Variants in CSMD1 observed in about 807,000 individuals in gnomAD.
The protein encoded by CSMD1 is CUB and sushi domain-containing protein 1.
Under a neutral mutation model 417.5 loss-of-function variants are expected in CSMD1, and 213 were observed. The observed-to-expected ratio is 0.51, with a 90% CI of 0.46 to 0.57. CSMD1 has a LOEUF of 0.57. Among genes scored for constraint, CSMD1 ranks in the 20% least tolerant of loss-of-function variants. CSMD1 has a pLI of 0.00. For synonymous variants in CSMD1, 2,862 were observed against 1,736.8 expected (o/e 1.65, Z -16.11); for missense variants, 6,923 against 4,529.7 (o/e 1.53, Z -15.17).
At chr8:3,917,877 T>G (rs545215766) in intron 5 of CSMD1, among the ~76,000 whole-genome samples, 31 of 152,248 alleles carry the variant, frequency 2.0e-4, no homozygotes, top group South Asian at 4.2e-4. Flanking sequence ...GCCTTTAAAA[T>G]TTTACTTAAA....
chr8:4,202,263 T>C (rs544557575), intron 3 of CSMD1, among the ~76,000 whole-genome samples: 1 of 152,310 alleles, frequency 6.6e-6, no homozygotes, highest in Non-Finnish European at 1.5e-5. Flanking sequence ...GTTAAGATTT[T>C]ATTCATGTTA....
intron 3 of CSMD1, among the ~76,000 whole-genome samples, chr8:4,216,717 G>A (rs369965838): frequency 4.6e-5 from 7 of 152,122 alleles, no homozygotes; most frequent in South Asian, 2.1e-4. Context: ...GGAGGAGGGG[G>A]TATAAACGAA....
chr8:4,461,934 G>A (rs1355632504), intron 2 of CSMD1, among the ~76,000 whole-genome samples: 1 of 151,794 alleles, frequency 6.6e-6, no homozygotes, highest in Admixed American at 6.6e-5. Context: ...GAAGAGACGG[G>A]GTTTCATCAT....
At chr8:4,340,697 C>G (rs1195060210) in intron 3 of CSMD1, among the ~76,000 whole-genome samples, 1 of 152,040 alleles carries the variant, frequency 6.6e-6, no homozygotes, top group Non-Finnish European at 1.5e-5. Flanking sequence ...ATTAGAAGTA[C>G]ATTTTAAACA....
intron 5 of CSMD1, among the ~76,000 whole-genome samples, chr8:3,901,437 C>G (rs1213935533): frequency 6.6e-6 from 1 of 152,146 alleles, no homozygotes; most frequent in Non-Finnish European, 1.5e-5. Flanking sequence ...ATTTTTTGGT[C>G]TTACTCTAAT....
At chr8:4,381,833 C>T (rs934045682) in intron 3 of CSMD1, among the ~76,000 whole-genome samples, 3 of 152,160 alleles carry the variant, frequency 2.0e-5, no homozygotes, top group Admixed American at 2.0e-4. Flanking sequence ...CTATCTCCTG[C>T]TTCACCAAAG....
chr8:4,945,803 G>A (rs1808328469), intron 1 of CSMD1, among the ~76,000 whole-genome samples: 1 of 152,120 alleles, frequency 6.6e-6, no homozygotes, highest in Non-Finnish European at 1.5e-5. Flanking sequence ...AGGTTAAGTA[G>A]GCAGCAGAAC....
At chr8:4,149,400 C>G (rs544314359) in intron 3 of CSMD1, among the ~76,000 whole-genome samples, 1 of 152,256 alleles carries the variant, frequency 6.6e-6, no homozygotes, top group East Asian at 1.9e-4. Flanking sequence ...TAGGTGGTAA[C>G]TGCCATAGCT....
intron 3 of CSMD1, among the ~76,000 whole-genome samples, chr8:4,237,870 C>A (rs1353301667): frequency 6.6e-6 from 1 of 151,986 alleles, no homozygotes. Flanking sequence ...CTGGACAATG[C>A]CTTATGTTCC....
At chr8:3,405,872 C>T (rs1454131020) in intron 15 of CSMD1, among the ~76,000 whole-genome samples, 155 bp downstream of exon 15, 1 of 152,334 alleles carries the variant, frequency 6.6e-6, no homozygotes, top group South Asian at 2.1e-4. Context: ...GCCTCCAGAA[C>T]TGGGAGACTG....
chr8:3,092,857 G>A (rs547285816), intron 47 of CSMD1, among the ~76,000 whole-genome samples: 8 of 152,140 alleles, frequency 5.3e-5, no homozygotes, highest in African/African-American at 1.9e-4. Flanking sequence ...GCATTTCACA[G>A]TTCACTCCTA....
chr8:4,469,773 G>A (rs1408067166), intron 2 of CSMD1, among the ~76,000 whole-genome samples: 1 of 152,188 alleles, frequency 6.6e-6, no homozygotes, highest in South Asian at 2.1e-4. Flanking sequence ...GAATATGCCA[G>A]GCGACAGCAC....
chr8:4,740,641 T>C (rs1353776834), intron 1 of CSMD1, among the ~76,000 whole-genome samples: 2 of 152,194 alleles, frequency 1.3e-5, no homozygotes, highest in East Asian at 1.9e-4. Context: ...ACGAGGAGTA[T>C]GTGCAGCTCT....
At position 3,503,058 on chromosome 8, in the gene CSMD1, A is replaced by G. The variant is rs151050060; in HGVS notation, c.1345-9332T>C. 2.6e-5 allele frequency among the ~76,000 whole-genome samples: 4 copies of G among 152,262 alleles called. No individual in the cohort carries two copies. In the East Asian group the frequency reaches 7.7e-4, roughly 29 times the overall value. Reference sequence around the variant, plus strand: ...CTGTGCAAACTGCTCTAAAAATAAAACCTAATAAATTAACAAAAATTACAC... The same window carrying G: ...CTGTGCAAACTGCTCTAAAAATAAAGCCTAATAAATTAACAAAAATTACAC... On this transcript the variant is annotated intron_variant, in intron 10 of 69. Coordinates refer to ENST00000635120, the MANE Select transcript of CSMD1 (RefSeq NM_033225.6).
At chr8:3,751,764 C>G (rs1402711472) in intron 6 of CSMD1, among the ~76,000 whole-genome samples, 3 of 152,092 alleles carry the variant, frequency 2.0e-5, no homozygotes, top group African/African-American at 7.2e-5. Context: ...TTTAACCTTT[C>G]TTTCAATTAC....
chr8:4,222,997 A>G (rs540383370), intron 3 of CSMD1, among the ~76,000 whole-genome samples: 1 of 152,328 alleles, frequency 6.6e-6, no homozygotes, highest in South Asian at 2.1e-4. Flanking sequence ...AGATTAAAGC[A>G]AATAAATAGA....
At chr8:4,885,996 T>A (rs994298271) in intron 1 of CSMD1, among the ~76,000 whole-genome samples, 1 of 122,834 alleles carries the variant, frequency 8.1e-6, no homozygotes, top group African/African-American at 2.9e-5. Flanking sequence ...TTTACTTATT[T>A]ATTTACTTAT....
At chr8:4,179,079 T>G (rs1714691) in intron 3 of CSMD1, among the ~76,000 whole-genome samples, 2 of 152,034 alleles carry the variant, frequency 1.3e-5, no homozygotes, top group South Asian at 2.1e-4. Flanking sequence ...AAAAACTACT[T>G]TAAAGTTCAT....
At chr8:4,902,733 T>C (rs75966421) in intron 1 of CSMD1, among the ~76,000 whole-genome samples, 2,393 of 152,156 alleles carry the variant, frequency 0.016, 79 homozygotes, top group African/African-American at 0.053. Context: ...AATATATAAA[T>C]GGAAAATGTG....
Sources: gnomAD v4.1 joint callset for allele counts (sites outside exome capture counted in the v4.1 genomes callset) on GRCh38, gnomAD v4.1.1 for gene constraint, MANE v1.5 for transcripts, NCBI Gene and HGNC (gene_info 2026-07-23, HGNC 2026-07-21) for gene names.